MAGI2: variants seen among roughly 807,000 people sequenced by gnomAD.
The protein encoded by MAGI2 is membrane associated guanylate kinase, WW and PDZ domain containing 2.
MAGI2 carries 35 observed loss-of-function variants against 133.3 expected under a neutral mutation model. That is an observed-to-expected ratio of 0.26 (90% CI 0.20 to 0.35). MAGI2 has a LOEUF of 0.35. MAGI2 is among the 10% of genes least tolerant of loss of function. The probability of loss-of-function intolerance (pLI) is 1.00; values close to 1 mark genes in which losing one functional copy is unlikely to be tolerated. For missense variants in MAGI2, 1,636 were observed against 1,863.4 expected (o/e 0.88, Z 2.25); for synonymous variants, 729 against 710.6 (o/e 1.03, Z -0.41).
At chr7:78,708,362 G>T (rs1024294498) in intron 2 of MAGI2, among the ~76,000 whole-genome samples, 1 of 152,100 alleles carries the variant, frequency 6.6e-6, no homozygotes, top group South Asian at 2.1e-4. Context: ...GGTTTAGGTT[G>T]CCAATAAAAT....
At chr7:78,055,462 C>T (rs181463203) in intron 21 of MAGI2, among the ~76,000 whole-genome samples, 11 of 152,248 alleles carry the variant, frequency 7.2e-5, no homozygotes, top group South Asian at 6.2e-4. Context: ...TTTGCAAGCT[C>T]CTACCTAGAG....
chr7:78,908,122 T>C (rs1280425545), intron 2 of MAGI2, among the ~76,000 whole-genome samples: 1 of 152,098 alleles, frequency 6.6e-6, no homozygotes, highest in African/African-American at 2.4e-5. Flanking sequence ...GAACATCAGG[T>C]ATATTGTAGA....
intron 21 of MAGI2, among the ~76,000 whole-genome samples, chr7:78,045,402 T>C (rs189118237): frequency 5.9e-4 from 90 of 152,234 alleles, no homozygotes; most frequent in African/African-American, 1.9e-3. Flanking sequence ...GTGCTAGCCA[T>C]TGGGAATATG....
chr7:78,914,577 C>T (rs1012579811), intron 2 of MAGI2, among the ~76,000 whole-genome samples: 4 of 152,040 alleles, frequency 2.6e-5, no homozygotes, highest in Admixed American at 6.6e-5. Context: ...AAGGAACACA[C>T]GATCAATCAA....
At chr7:78,605,938 G>GT (rs1225348116) in intron 3 of MAGI2, among the ~76,000 whole-genome samples, 1 of 152,166 alleles carries the variant, frequency 6.6e-6, no homozygotes, top group Non-Finnish European at 1.5e-5. Flanking sequence ...AGAAAGACAG[G>GT]TAAGGACACT....
intron 2 of MAGI2, among the ~76,000 whole-genome samples, chr7:78,974,429 T>A (rs930223519): frequency 2.0e-5 from 3 of 151,902 alleles, no homozygotes; most frequent in Non-Finnish European, 2.9e-5. Context: ...TTCATGAGCA[T>A]GCAGTATTGA....
intron 3 of MAGI2, among the ~76,000 whole-genome samples, chr7:78,606,727 G>T (rs556161109): frequency 6.6e-6 from 1 of 152,214 alleles, no homozygotes; most frequent in East Asian, 1.9e-4. Flanking sequence ...GAATTTTATG[G>T]CATCAATAAA....
At chr7:79,363,453 T>A (rs1245450565) in intron 1 of MAGI2, among the ~76,000 whole-genome samples, 11 of 148,926 alleles carry the variant, frequency 7.4e-5, no homozygotes, top group Non-Finnish European at 1.6e-4. Flanking sequence ...TTTATAGATA[T>A]AAAAAAAAAT....
At chr7:78,415,749 C>T (rs1338523047) in intron 6 of MAGI2, among the ~76,000 whole-genome samples, 1 of 152,026 alleles carries the variant, frequency 6.6e-6, no homozygotes, top group Non-Finnish European at 1.5e-5. Flanking sequence ...GGGTTGGAGC[C>T]TATGAAGAAG....
intron 2 of MAGI2, among the ~76,000 whole-genome samples, chr7:78,959,715 C>G (rs1802687805): frequency 6.6e-6 from 1 of 152,092 alleles, no homozygotes; most frequent in African/African-American, 2.4e-5. Context: ...TGTGAGCTCA[C>G]TTTGACTTTT....
chr7:79,380,148 G>C (rs10281359), intron 1 of MAGI2, among the ~76,000 whole-genome samples: 27,016 of 151,692 alleles, frequency 0.18, 2,715 homozygotes, highest in African/African-American at 0.27. Flanking sequence ...TTGACAAATG[G>C]GATCTAATTA....
chr7:78,912,782 CAT>C (rs1329053273), intron 2 of MAGI2, among the ~76,000 whole-genome samples: 10 of 141,368 alleles, frequency 7.1e-5, no homozygotes, highest in East Asian at 4.0e-4. Flanking sequence ...ATATATCATT[CAT>C]ATATATATAT....
intron 2 of MAGI2, among the ~76,000 whole-genome samples, chr7:78,723,365 ATTT>A (rs1249969870): frequency 6.6e-6 from 1 of 152,150 alleles, no homozygotes; most frequent in East Asian, 1.9e-4. Flanking sequence ...GCCCTAACAC[ATTT>A]GTAAGTGTGG....
rs573804325 is a variant in MAGI2 at position 79,040,623 on chromosome 7, C to T, written c.302-33417G>A. ...ATCCCCACATGTCAAGGGTAGGACC[C>T]AGGTGGAGGTAATTGGACCATGGGG... On this transcript the variant is annotated intron_variant, in intron 1 of 21. Transcript: ENST00000354212. Among the ~76,000 whole-genome samples, 8 of 152,236 alleles carry T rather than the reference C, an allele frequency of 5.3e-5. No individual in the cohort carries two copies. In the South Asian group the frequency reaches 1.7e-3, roughly 32 times the overall value.
intron 2 of MAGI2, among the ~76,000 whole-genome samples, chr7:78,695,218 C>G (rs1817384963): frequency 6.6e-6 from 1 of 151,970 alleles, no homozygotes; most frequent in Non-Finnish European, 1.5e-5. Flanking sequence ...GAGCGAGACT[C>G]TGTCTCAAAA....
chr7:78,198,056 TC>T (rs1828890303), intron 11 of MAGI2, among the ~76,000 whole-genome samples: 1 of 152,222 alleles, frequency 6.6e-6, no homozygotes, highest in Admixed American at 6.5e-5. Context: ...TGGATTCTGA[TC>T]CTGTCGCCTT....
intron 20 of MAGI2, among the ~76,000 whole-genome samples, chr7:78,101,362 T>C (rs1295533561): frequency 2.0e-5 from 3 of 152,014 alleles, no homozygotes; most frequent in Non-Finnish European, 2.9e-5. Flanking sequence ...CACAGACCAA[T>C]GAAACAGAGT....
chr7:78,796,136 G>T (rs1024099443), intron 2 of MAGI2, among the ~76,000 whole-genome samples: 1 of 152,044 alleles, frequency 6.6e-6, no homozygotes, highest in Non-Finnish European at 1.5e-5. Context: ...AGACAAATGG[G>T]AATACTTCAG....
intron 4 of MAGI2, among the ~76,000 whole-genome samples, chr7:78,520,059 T>C (rs1460050228): frequency 6.6e-6 from 1 of 152,220 alleles, no homozygotes; most frequent in Admixed American, 6.5e-5. Context: ...CATCATTTCA[T>C]AGGAGACAAG....
Sources: gnomAD v4.1 joint callset for allele counts (sites outside exome capture counted in the v4.1 genomes callset) on GRCh38, gnomAD v4.1.1 for gene constraint, MANE v1.5 for transcripts, NCBI Gene and HGNC (gene_info 2026-07-23, HGNC 2026-07-21) for gene names.